The following NRAP variants were observed in gnomAD, a reference collection of about 807,000 sequenced individuals.
The protein encoded by NRAP is nebulin related anchoring protein.
NRAP carries 189 observed loss-of-function variants against 225.9 expected under a neutral mutation model. The observed-to-expected ratio is 0.84, with a 90% CI of 0.74 to 0.94. NRAP has a LOEUF of 0.94. Ranked by LOEUF, NRAP falls within the 40% of genes least tolerant of loss-of-function variation. The pLI is 0.00. For missense variants in NRAP, 2,176 were observed against 2,168.7 expected (o/e 1.00, Z -0.07); for synonymous variants, 769 against 790.7 (o/e 0.97, Z 0.46).
intron 37 of NRAP, 26 bp downstream of exon 37, chr10:113,597,060 G>A (rs762436691): frequency 8.9e-5 from 133 of 1,487,506 alleles, no homozygotes; most frequent in Middle Eastern, 1.7e-4. Context: ...CTGCATGCCC[G>A]GGATGAATGA....
intron 13 of NRAP, among the ~76,000 whole-genome samples, chr10:113,640,844 G>C (rs1163888281): frequency 6.6e-6 from 1 of 152,172 alleles, no homozygotes; most frequent in African/African-American, 2.4e-5. Context: ...CGAAGCTAAA[G>C]AGAGATTAAT....
intron 25 of NRAP, among the ~76,000 whole-genome samples, chr10:113,618,843 G>A (rs1188460114): frequency 6.6e-6 from 1 of 152,178 alleles, no homozygotes; most frequent in Non-Finnish European, 1.5e-5. Flanking sequence ...CTACTCAAGA[G>A]GCTGAGGTAG....
At chr10:113,604,259 G>A (rs557014282) in intron 35 of NRAP, among the ~76,000 whole-genome samples, 10 of 152,120 alleles carry the variant, frequency 6.6e-5, no homozygotes, top group Non-Finnish European at 1.5e-4. Context: ...TGGGACTACA[G>A]GTGCATGCCA....
intron 12 of NRAP, 122 bp from the exon 13 acceptor site, chr10:113,641,594 T>A (rs1849206012): frequency 3.2e-6 from 2 of 627,240 alleles, no homozygotes; most frequent in Non-Finnish European, 2.8e-6. Context: ...ATTTAAATAG[T>A]CAACGTATCA....
intron 4 of NRAP, among the ~76,000 whole-genome samples, chr10:113,656,898 A>AT (rs895875126): frequency 9.2e-5 from 14 of 151,862 alleles, no homozygotes; most frequent in Non-Finnish European, 1.6e-4. Context: ...TACTGTTTGG[A>AT]TTTTTTTTTA....
chr10:113,632,295 T>C (rs997026214), intron 16 of NRAP, among the ~76,000 whole-genome samples: 3 of 152,198 alleles, frequency 2.0e-5, no homozygotes, highest in Non-Finnish European at 2.9e-5. Flanking sequence ...TTTCTCAGGA[T>C]TGCTGTGAGA....
chr10:113,630,913 G>A (rs2134031761), intron 18 of NRAP, among the ~76,000 whole-genome samples: 1 of 152,302 alleles, frequency 6.6e-6, no homozygotes, highest in East Asian at 1.9e-4. Flanking sequence ...AGCATCAGCA[G>A]GGAAGACTTG....
At position 113,648,464 on chromosome 10, in the gene NRAP, T is replaced by TCTCTCTCTCTCC. The variant is rs1201992012; in HGVS notation, c.889-1438_889-1437insGGAGAGAGAGAG. 4.6e-5 allele frequency among the ~76,000 whole-genome samples: 6 copies of TCTCTCTCTCTCC among 130,308 alleles called. No homozygotes were observed. The East Asian group carries it at 1.1e-3, about 24-fold the overall frequency. The allele number at this position is 130,308 out of a possible 152,430, so 85.5% of individuals were successfully genotyped here. On this transcript the variant is annotated intron_variant, in intron 9 of 41. Coordinates refer to ENST00000359988, the MANE Select transcript of NRAP (RefSeq NM_198060.4). ...CTCTCTCTCTCTCTCTCTCTCTCTCTCTCTATATATATATATATATATATA... is the reference window on the plus strand; with the variant it reads ...CTCTCTCTCTCTCTCTCTCTCTCTCTCTCTCTCTCTCCCTCTATATATATATATATATATATA...
intron 30 of NRAP, among the ~76,000 whole-genome samples, chr10:113,611,266 T>G (rs1157259075): frequency 2.0e-5 from 3 of 151,654 alleles, no homozygotes; most frequent in Non-Finnish European, 4.4e-5. Context: ...TCCTGACAGT[T>G]TATGTCATTC....
At chr10:113,631,689 A>AG in intron 17 of NRAP, 79 bp from the exon 18 acceptor site, 2 of 1,007,742 alleles carry the variant, frequency 2.0e-6, no homozygotes, top group Non-Finnish European at 3.1e-6. Flanking sequence ...AACAAGTGCA[A>AG]GGGGAACAAT....
chr10:113,614,159 G>A lies in NRAP; in HGVS notation c.3300+24C>T, dbSNP rs144784387. The A allele has an allele frequency of 7.1e-3, 10,643 of 1,501,908 alleles. 64 individuals are homozygous for A. The highest frequency in any genetic ancestry group is 7.3e-3 in the Non-Finnish European group (7,883 of 1,077,680). The allele number at this position is 1,501,908 out of a possible 1,614,324, so 93.0% of individuals were successfully genotyped here. Reference sequence around the variant, plus strand: ...GTTGTCAGGTGGGGGCCCTGCAGCCGCTGATGCCTCTCCCCCCACTTACAT... The same window carrying A: ...GTTGTCAGGTGGGGGCCCTGCAGCCACTGATGCCTCTCCCCCCACTTACAT... On this transcript the variant is annotated intron_variant, in intron 29 of 41. Coordinates refer to ENST00000359988, the MANE Select transcript of NRAP (RefSeq NM_198060.4).
chr10:113,608,374 T>C, intron 32 of NRAP, 40 bp downstream of exon 32: 2 of 1,292,038 alleles, frequency 1.5e-6, no homozygotes, highest in Non-Finnish European at 2.2e-6. Flanking sequence ...AATCGAGCAG[T>C]TTTTAAAAAG....
At position 113,654,116 on chromosome 10, in the gene NRAP, A is replaced by G; in HGVS notation, c.370T>C (p.Trp124Arg). ...RQPLANERAY[W>R]TGYGEGNAWC... ...GCATTCCCTTCCCCATATCCAGTCCAATAGGCTCTCTACAAAGGAAGCACA... is the reference window on the plus strand; with the variant it reads ...GCATTCCCTTCCCCATATCCAGTCCGATAGGCTCTCTACAAAGGAAGCACA... Residue 124 changes from tryptophan (W) to arginine (R), a missense_variant, in exon 5 of 42, where the codon TGG becomes CGG. By Grantham distance (101) the Trp-to-Arg change is moderately radical. Coordinates refer to ENST00000359988, the MANE Select transcript of NRAP (RefSeq NM_198060.4). 6.2e-7 allele frequency: 1 copy of G among 1,608,628 alleles called. No homozygotes were observed. Among genetic ancestry groups the G allele is most frequent in the African/African-American group, 1.3e-5 (1 of 74,860 alleles).
intron 31 of NRAP, among the ~76,000 whole-genome samples, chr10:113,609,987 A>G (rs1416658770): frequency 6.6e-6 from 1 of 151,610 alleles, no homozygotes; most frequent in African/African-American, 2.4e-5. Flanking sequence ...AAAAAAGTCC[A>G]GCCCAGGGGG....
intron 6 of NRAP, 60 bp from the exon 7 acceptor site, chr10:113,651,967 T>C (rs1015207631): frequency 9.9e-6 from 10 of 1,009,812 alleles, no homozygotes; most frequent in South Asian, 2.5e-5. Context: ...CAGTGACCTC[T>C]CCCTGTGGCT....
At chr10:113,642,836 G>C (rs375590783) in intron 12 of NRAP, 98 bp downstream of exon 12, 5 of 691,358 alleles carry the variant, frequency 7.2e-6, no homozygotes, top group African/African-American at 3.6e-5. Flanking sequence ...GCTTCTCCAA[G>C]ACACATAGAT....
At chr10:113,593,199 G>A (rs1846093932) in intron 38 of NRAP, among the ~76,000 whole-genome samples, 1 of 152,116 alleles carries the variant, frequency 6.6e-6, no homozygotes, top group Admixed American at 6.5e-5. Flanking sequence ...CCCAGACCGT[G>A]TCGGTTGCTC....
chr10:113,638,947 A>G (rs1410965232), intron 14 of NRAP, among the ~76,000 whole-genome samples: 1 of 152,188 alleles, frequency 6.6e-6, no homozygotes, highest in Non-Finnish European at 1.5e-5. Context: ...TAAATGTAGT[A>G]GCAAGTCATG....
At chr10:113,615,585 T>C in intron 27 of NRAP, 127 bp downstream of exon 27, 1 of 683,168 alleles carries the variant, frequency 1.5e-6, no homozygotes. Flanking sequence ...ATATCACATA[T>C]TTCAAGGTGG....
Sources: allele counts gnomAD v4.1 joint callset (sites outside exome capture counted in the v4.1 genomes callset), GRCh38; gene constraint gnomAD v4.1.1; transcripts MANE v1.5; gene names NCBI Gene and HGNC (gene_info 2026-07-23, HGNC 2026-07-21).